HMG20A: variants seen among roughly 807,000 people sequenced by gnomAD.
The protein encoded by HMG20A is high mobility group 20A, also known as high mobility group protein 20A.
A neutral mutation model predicts 43.9 loss-of-function variants in HMG20A; 17 were observed. The ratio of observed to expected loss-of-function variants is 0.39; its 90% CI spans 0.27 to 0.58. HMG20A has a LOEUF of 0.58. Ranked by LOEUF, HMG20A falls within the 20% of genes least tolerant of loss-of-function variation. The pLI is 0.59. For missense variants in HMG20A, 341 were observed against 438.2 expected (o/e 0.78, Z 1.98); for synonymous variants, 132 against 147.5 (o/e 0.89, Z 0.76).
chr15:77,478,826 A>G (rs1279694289), intron 8 of HMG20A, among the ~76,000 whole-genome samples: 1 of 152,098 alleles, frequency 6.6e-6, no homozygotes, highest in Non-Finnish European at 1.5e-5. Flanking sequence ...CTTCTTATGT[A>G]TGTTTGTTTG....
chr15:77,466,713 A>T (rs546770318), intron 3 of HMG20A, among the ~76,000 whole-genome samples: 1 of 152,138 alleles, frequency 6.6e-6, no homozygotes, highest in Non-Finnish European at 1.5e-5. Context: ...TGTATTTCCC[A>T]TTTGGATACT....
downstream of HMG20A, among the ~76,000 whole-genome samples, chr15:77,490,369 A>G (rs1406957095): frequency 1.3e-5 from 2 of 152,192 alleles, no homozygotes; most frequent in Admixed American, 1.3e-4. Flanking sequence ...GAAGAATCAG[A>G]GAGACTAGGA....
In HMG20A at chr15:77,442,577, ACTCTCCCTG is replaced by A. The variant is rs2073624069; in HGVS notation, c.-4-15824_-4-15816del. Among the ~76,000 whole-genome samples, 5 of 152,170 alleles carry A rather than the reference ACTCTCCCTG, an allele frequency of 3.3e-5. No individual in the cohort carries two copies. The East Asian group carries it at 5.8e-4, about 18-fold the overall frequency. On this transcript the variant is annotated intron_variant, in intron 1 of 9. Coordinates refer to ENST00000336216, the MANE Select transcript of HMG20A (RefSeq NM_001304504.2). ...CATGAGGTTTATAAATTGTGCCCTT[ACTCTCCCTG>A]CTAGACATGCGTACTCTTCTCTGCC...
the HMG20A span, among the ~76,000 whole-genome samples, chr15:77,509,597 TG>T: frequency 1.6e-4 from 22 of 140,722 alleles, no homozygotes; most frequent in African/African-American, 4.8e-4. Flanking sequence ...TGTGTGTGTG[TG>T]TGTGTGTGTC....
At chr15:77,464,717 C>T (rs937468652) in intron 3 of HMG20A, 6 of 201,390 alleles carry the variant, frequency 3.0e-5, no homozygotes, top group Admixed American at 5.4e-5. Flanking sequence ...AGGCTCTGCT[C>T]AGCAAGCCCT....
chr15:77,442,820 C>G (rs144970986), intron 1 of HMG20A, among the ~76,000 whole-genome samples: 103 of 152,156 alleles, frequency 6.8e-4, no homozygotes, highest in Non-Finnish European at 1.2e-3. Flanking sequence ...GGAATTTTAG[C>G]TCTACGTGTA....
chr15:77,515,654 G>T, the HMG20A span, among the ~76,000 whole-genome samples: 1 of 152,150 alleles, frequency 6.6e-6, no homozygotes, highest in Non-Finnish European at 1.5e-5. Flanking sequence ...AAACATAAAT[G>T]TTAAGCACAC....
chr15:77,492,756 A>T, the HMG20A span, among the ~76,000 whole-genome samples: 3 of 151,982 alleles, frequency 2.0e-5, no homozygotes, highest in Non-Finnish European at 1.5e-5. Flanking sequence ...GGCTGCAGTG[A>T]GCCATGTTCA....
At chr15:77,431,995 T>A (rs2073489918) in intron 1 of HMG20A, among the ~76,000 whole-genome samples, 1 of 152,244 alleles carries the variant, frequency 6.6e-6, no homozygotes, top group Non-Finnish European at 1.5e-5. Flanking sequence ...TAGTATTCCA[T>A]TGTGCGTATA....
chr15:77,491,778 T>G, the HMG20A span, among the ~76,000 whole-genome samples: 1 of 152,186 alleles, frequency 6.6e-6, no homozygotes, highest in Non-Finnish European at 1.5e-5. Flanking sequence ...AAGCTAGAAA[T>G]AGACCTAGAG....
the HMG20A span, among the ~76,000 whole-genome samples, chr15:77,496,954 G>A: frequency 4.6e-5 from 7 of 152,218 alleles, no homozygotes. Flanking sequence ...CAGATGTGCG[G>A]GAGGACGGCC....
chr15:77,464,452 G>T (rs888923116), intron 3 of HMG20A, 65 bp downstream of exon 3: 2 of 1,554,790 alleles, frequency 1.3e-6, no homozygotes, highest in Admixed American at 1.7e-5. Context: ...TCACAAGGAA[G>T]GTGTGTTGAT....
At chr15:77,436,102 G>C (rs74026910) in intron 1 of HMG20A, among the ~76,000 whole-genome samples, 33,547 of 152,036 alleles carry the variant, frequency 0.22, 4,147 homozygotes, top group Middle Eastern at 0.3. Context: ...TATCTCAAAG[G>C]CATCTTAAAA....
intron 1 of HMG20A, among the ~76,000 whole-genome samples, chr15:77,455,694 A>G (rs1448056573): frequency 1.3e-5 from 2 of 152,174 alleles, no homozygotes; most frequent in African/African-American, 2.4e-5. Flanking sequence ...AGCAGCATTC[A>G]TTACATTTCT....
chr15:77,479,445 A>C (rs975780304), intron 9 of HMG20A, 124 bp downstream of exon 9: 19 of 861,468 alleles, frequency 2.2e-5, no homozygotes, highest in Non-Finnish European at 3.0e-5. Context: ...GACTTGGTTA[A>C]GATTCCTGTT....
chr15:77,511,172 G>T, the HMG20A span, among the ~76,000 whole-genome samples: 3 of 152,222 alleles, frequency 2.0e-5, no homozygotes, highest in Non-Finnish European at 4.4e-5. Flanking sequence ...ATGGAAAGGG[G>T]AGAAGTTTGA....
intron 1 of HMG20A, among the ~76,000 whole-genome samples, chr15:77,450,647 A>G (rs1001590748): frequency 6.6e-6 from 1 of 152,220 alleles, no homozygotes; most frequent in Non-Finnish European, 1.5e-5. Flanking sequence ...AATACAATGA[A>G]AAAATAATGT....
the HMG20A span, among the ~76,000 whole-genome samples, chr15:77,493,435 T>G: frequency 6.6e-6 from 1 of 151,998 alleles, no homozygotes; most frequent in Non-Finnish European, 1.5e-5. Flanking sequence ...CAGCAAGAGA[T>G]AGGAGAGAGG....
At chr15:77,468,594 C>G (rs898075881) in intron 4 of HMG20A, among the ~76,000 whole-genome samples, 2 of 132,438 alleles carry the variant, frequency 1.5e-5, no homozygotes, top group Non-Finnish European at 3.3e-5. Flanking sequence ...CTCTCTCTCT[C>G]TGTCACACAC....
Sources: gnomAD v4.1 joint callset for allele counts (sites outside exome capture counted in the v4.1 genomes callset) on GRCh38, gnomAD v4.1.1 for gene constraint, MANE v1.5 for transcripts, NCBI Gene and HGNC (gene_info 2026-07-23, HGNC 2026-07-21) for gene names.